The following ENPP2 variants were observed in gnomAD, a reference collection of about 807,000 sequenced individuals.
ENPP2 encodes autotaxin.
Under a neutral mutation model 120.2 loss-of-function variants are expected in ENPP2, and 51 were observed. That is an observed-to-expected ratio of 0.42 (90% confidence interval 0.34 to 0.54). ENPP2 has a LOEUF of 0.54. Ranked by LOEUF, ENPP2 falls within the 20% of genes least tolerant of loss-of-function variation. ENPP2 has a pLI of 0.04. For synonymous variants in ENPP2, 365 were observed against 366.4 expected, an observed-to-expected ratio of 1.00 and a Z score of 0.04; for missense variants, 920 against 1,066.5, an observed-to-expected ratio of 0.86 and a Z score of 1.91.
At chr8:119,563,594 C>T (rs936544132) in intron 23 of ENPP2, among the ~76,000 whole-genome samples, 4 of 152,154 alleles carry the variant, frequency 2.6e-5, no homozygotes, top group Non-Finnish European at 4.4e-5. Context: ...TACTAAGGAC[C>T]GAGTGCTAAT....
At chr8:119,632,382 G>A (rs1348228982) in intron 2 of ENPP2, among the ~76,000 whole-genome samples, 1 of 152,112 alleles carries the variant, frequency 6.6e-6, no homozygotes, top group Non-Finnish European at 1.5e-5. Flanking sequence ...TTCTTATGAG[G>A]CATTTGCTAA....
At chr8:119,562,734 T>A in intron 24 of ENPP2, 123 bp downstream of exon 24, 1 of 1,015,768 alleles carries the variant, frequency 9.8e-7, no homozygotes, top group East Asian at 2.5e-5. Context: ...GGTTCCTTTC[T>A]TTTTTCTGTT....
chr8:119,642,055 T>C (rs1817300307), upstream of ENPP2, among the ~76,000 whole-genome samples: 1 of 152,218 alleles, frequency 6.6e-6, no homozygotes, highest in Non-Finnish European at 1.5e-5. Context: ...GCTTTAATTT[T>C]AGGCCATGCT....
At chr8:119,624,824 C>G (rs1816160810) in intron 3 of ENPP2, among the ~76,000 whole-genome samples, 1 of 152,118 alleles carries the variant, frequency 6.6e-6, no homozygotes, top group South Asian at 2.1e-4. Context: ...TTCGCTGAAA[C>G]ATTGTGGTTG....
At chr8:119,617,700 G>A in intron 5 of ENPP2, 137 bp from the exon 6 acceptor site, 1 of 638,972 alleles carries the variant, frequency 1.6e-6, no homozygotes, top group Non-Finnish European at 2.7e-6. Flanking sequence ...TATAATCCCA[G>A]CACTTTGGGA....
intron 2 of ENPP2, among the ~76,000 whole-genome samples, chr8:119,635,657 C>T (rs1321163614): frequency 2.0e-5 from 3 of 152,170 alleles, no homozygotes; most frequent in South Asian, 2.1e-4. Context: ...CCCATCTCAC[C>T]GTCTCATTAA....
At chr8:119,564,305 A>G (rs892999937) in intron 23 of ENPP2, among the ~76,000 whole-genome samples, 9 of 152,152 alleles carry the variant, frequency 5.9e-5, no homozygotes, top group African/African-American at 7.2e-5. Flanking sequence ...CATTTTTTTC[A>G]TAGAATAAAA....
chr8:119,627,865 A>AATATATATATATATAT (rs59289320), intron 2 of ENPP2, among the ~76,000 whole-genome samples: 6 of 143,554 alleles, frequency 4.2e-5, no homozygotes, highest in African/African-American at 1.5e-4. Context: ...CCGTCTTAAA[A>AATATATATATATATAT]ATATATATAT....
intron 22 of ENPP2, among the ~76,000 whole-genome samples, chr8:119,566,198 A>G (rs1213481332): frequency 3.3e-5 from 5 of 152,170 alleles, no homozygotes; most frequent in African/African-American, 1.2e-4. Context: ...CCTGCTTCTA[A>G]TTTCCATAAT....
chr8:119,569,394 A>G (rs755113088), intron 20 of ENPP2, 24 bp from the exon 21 acceptor site: 1 of 1,612,956 alleles, frequency 6.2e-7, no homozygotes, highest in Admixed American at 1.7e-5. Context: ...AGAGGCACTC[A>G]GCAATGCCGT....
intron 1 of ENPP2, among the ~76,000 whole-genome samples, chr8:119,655,637 C>T (rs542667167): frequency 4.6e-5 from 7 of 152,268 alleles, no homozygotes; most frequent in African/African-American, 1.7e-4. Context: ...TAGTAGCCAC[C>T]ATATTTCGAA....
intron 20 of ENPP2, 31 bp from the exon 21 acceptor site, chr8:119,569,401 C>A: frequency 6.2e-7 from 1 of 1,611,752 alleles, no homozygotes; most frequent in Non-Finnish European, 8.5e-7. Flanking sequence ...CTCAGCAATG[C>A]CGTGGCTCTG....
At chr8:119,653,804 C>A (rs929555290) in intron 1 of ENPP2, among the ~76,000 whole-genome samples, 2 of 151,918 alleles carry the variant, frequency 1.3e-5, no homozygotes, top group Non-Finnish European at 2.9e-5. Context: ...TTAATGAGCA[C>A]GCTTGTGACT....
intron 20 of ENPP2, 29 bp from the exon 21 acceptor site, chr8:119,569,399 T>C (rs1372442327): frequency 6.2e-7 from 1 of 1,612,614 alleles, no homozygotes; most frequent in Admixed American, 1.7e-5. Context: ...CACTCAGCAA[T>C]GCCGTGGCTC....
chr8:119,653,853 T>G (rs183210967), intron 1 of ENPP2, among the ~76,000 whole-genome samples: 115 of 151,932 alleles, frequency 7.6e-4, no homozygotes, highest in African/African-American at 2.7e-3. Flanking sequence ...GGGGAGAAGG[T>G]GGGTGTGCAT....
chr8:119,601,567 C>T (rs932474370), intron 9 of ENPP2, 105 bp from the exon 10 acceptor site: 3 of 755,732 alleles, frequency 4.0e-6, no homozygotes, highest in South Asian at 3.3e-5. Context: ...CTCTATTTAC[C>T]ACCATCTGTT....
chr8:119,629,065 T>C (rs545928138), intron 2 of ENPP2, among the ~76,000 whole-genome samples: 1 of 152,326 alleles, frequency 6.6e-6, no homozygotes, highest in South Asian at 2.1e-4. Flanking sequence ...CGTGTGGGTA[T>C]GTATATTTAT....
rs567846302 is a variant in ENPP2 at position 119,601,075 on chromosome 8, A to G, written c.899+322T>C. On this transcript the variant is annotated intron_variant, in intron 10 of 24. Coordinates refer to ENST00000075322, the MANE Select transcript of ENPP2 (RefSeq NM_001040092.3). The stretch of plus-strand genomic sequence containing the variant: ...GTGCAATCTGCAGCCTGAAACAACA[A>G]CTAACTGCATTACAGAGAAGCGTCT... Among the ~76,000 whole-genome samples, 28 of 152,282 alleles carry G rather than the reference A, an allele frequency of 1.8e-4. No homozygotes were observed. The South Asian group carries it at 5.8e-3, about 32-fold the overall frequency.
chr8:119,579,224 C>T (rs10505367), intron 19 of ENPP2, among the ~76,000 whole-genome samples: 11,774 of 152,234 alleles, frequency 0.077, 591 homozygotes, highest in Admixed American at 0.12. Flanking sequence ...TGTGTTATTG[C>T]TCCTCATTAT....
Sources: allele counts gnomAD v4.1 joint callset (sites outside exome capture counted in the v4.1 genomes callset), GRCh38; gene constraint gnomAD v4.1.1; transcripts MANE v1.5; gene names NCBI Gene and HGNC (gene_info 2026-07-23, HGNC 2026-07-21).